The following SYTL5 variants were observed in gnomAD, a reference collection of about 807,000 sequenced individuals.
SYTL5 encodes synaptotagmin like 5.
In SYTL5, 34 loss-of-function variants were observed where a neutral mutation model predicts 55.9. The observed-to-expected ratio is 0.61, with a 90% CI of 0.46 to 0.81. The LOEUF is 0.81. Among genes scored for constraint, SYTL5 ranks in the 30% least tolerant of loss-of-function variants. The pLI is 0.00. For missense variants in SYTL5, 637 were observed against 546.7 expected (o/e 1.17, Z -1.65); for synonymous variants, 221 against 188.7 (o/e 1.17, Z -1.40).
chrX:37,975,211 GC>G, the SYTL5 span, among the ~76,000 whole-genome samples: 1 of 111,912 alleles, frequency 8.9e-6, no homozygotes, highest in Non-Finnish European at 1.9e-5. Context: ...CATTTTAGAA[GC>G]AAGGGAACTG....
chrX:38,002,834 G>T (rs1602291401), upstream of SYTL5, among the ~76,000 whole-genome samples: 1 of 111,693 alleles, frequency 9.0e-6, no homozygotes, highest in Non-Finnish European at 1.9e-5. Flanking sequence ...CACTCTGATG[G>T]TAGTTTTCTT....
At chrX:37,940,129 C>A in the SYTL5 span, among the ~76,000 whole-genome samples, 3 of 110,805 alleles carry the variant, frequency 2.7e-5, no homozygotes, top group Non-Finnish European at 3.8e-5. Flanking sequence ...AGCCACCTCA[C>A]CTGGCTGTGT....
intron 2 of SYTL5, among the ~76,000 whole-genome samples, chrX:38,034,333 A>G (rs1004752962): frequency 3.6e-5 from 4 of 112,519 alleles, no homozygotes; most frequent in African/African-American, 1.3e-4. Context: ...TGAGCAAGCT[A>G]CTCAACTTCC....
In SYTL5 at chrX:38,127,857, C is replaced by G. The variant is rs1199426674; in HGVS notation, c.*1127C>G. 8.9e-6 allele frequency: 1 copy of G among 112,033 alleles called. No individual in the cohort carries two copies. The highest frequency in any genetic ancestry group is 2.8e-4 in the East Asian group (1 of 3,587). 9.2% of individuals were successfully genotyped at this position (112,033 alleles called of 1,213,427 possible). A position where few individuals can be genotyped will look rare whatever the true frequency, so the allele number is the denominator to read the frequency against. Reference sequence around the variant, plus strand: ...CATCCTCTTTAAGCCAAAGGGATAGCCAGAGCATCTTGATGGCAGAAGTGC... The same window carrying G: ...CATCCTCTTTAAGCCAAAGGGATAGGCAGAGCATCTTGATGGCAGAAGTGC... On this transcript the variant is annotated 3_prime_UTR_variant, in exon 17 of 17. Transcript: ENST00000297875.
At chrX:38,096,514 A>T (rs73632457) in intron 9 of SYTL5, among the ~76,000 whole-genome samples, 11,655 of 110,916 alleles carry the variant, frequency 0.11, 1,063 homozygotes, top group African/African-American at 0.28. Context: ...TAAACCTGGG[A>T]AATGAGAGAT....
At chrX:37,917,181 G>A in the SYTL5 span, among the ~76,000 whole-genome samples, 1 of 111,373 alleles carries the variant, frequency 9.0e-6, no homozygotes, top group Non-Finnish European at 1.9e-5. Flanking sequence ...CCTGGCTGAA[G>A]TAGTGACTGT....
chrX:38,040,854 A>C (rs978812926), intron 2 of SYTL5, among the ~76,000 whole-genome samples: 3 of 111,907 alleles, frequency 2.7e-5, no homozygotes, highest in African/African-American at 9.8e-5. Context: ...TTGCTGGATC[A>C]TATGGTAGAT....
intron 3 of SYTL5, among the ~76,000 whole-genome samples, chrX:38,069,539 G>C (rs971092509): frequency 1.8e-5 from 2 of 111,675 alleles, no homozygotes; most frequent in African/African-American, 6.5e-5. Flanking sequence ...CATTGCCTGT[G>C]GACCTCTACA....
At chrX:37,946,476 G>A in the SYTL5 span, 2 of 243,559 alleles carry the variant, frequency 8.2e-6, no homozygotes, top group Non-Finnish European at 1.6e-5. Flanking sequence ...TCTAATTCTT[G>A]GAACTGGATT....
At chrX:38,061,960 ATTTTTTCT>A (rs1319907431) in intron 3 of SYTL5, among the ~76,000 whole-genome samples, 3 of 109,310 alleles carry the variant, frequency 2.7e-5, no homozygotes, top group Admixed American at 9.8e-5. Flanking sequence ...AACATGAAAT[ATTTTTTCT>A]TTTTTTCTTT....
chrX:37,913,728 CTTTTA>C, the SYTL5 span, among the ~76,000 whole-genome samples: 3 of 112,323 alleles, frequency 2.7e-5, no homozygotes, highest in African/African-American at 9.7e-5. Context: ...TCTCAATTGC[CTTTTA>C]ATAGTGTTTG....
At chrX:38,050,868 G>A (rs1442441573) in intron 2 of SYTL5, among the ~76,000 whole-genome samples, 1 of 112,068 alleles carries the variant, frequency 8.9e-6, no homozygotes, top group African/African-American at 3.2e-5. Context: ...AAAGAAAAGG[G>A]TGTGTGGTGA....
chrX:37,957,388 T>C, the SYTL5 span, among the ~76,000 whole-genome samples: 5 of 112,047 alleles, frequency 4.5e-5, no homozygotes, highest in Admixed American at 1.9e-4. Flanking sequence ...CTGCTGTGTT[T>C]TCTGCTAAGA....
chrX:37,939,111 A>T, the SYTL5 span, among the ~76,000 whole-genome samples: 3 of 109,514 alleles, frequency 2.7e-5, no homozygotes, highest in Admixed American at 9.8e-5. Context: ...TACCCAAAAA[A>T]CTAGCTGGGC....
At chrX:38,089,318 A>G in intron 6 of SYTL5, 128 bp from the exon 7 acceptor site, 1 of 738,565 alleles carries the variant, frequency 1.4e-6, no homozygotes, top group Non-Finnish European at 1.9e-6. Context: ...AAGCAGTTCC[A>G]GTGTGACTCT....
intron 1 of SYTL5, among the ~76,000 whole-genome samples, chrX:38,014,726 T>A (rs1569155797): frequency 8.9e-6 from 1 of 111,837 alleles, no homozygotes; most frequent in Non-Finnish European, 1.9e-5. Flanking sequence ...ATGGTTGCAT[T>A]CTTTTGATAT....
Position 38,106,597 on chromosome X carries a change from G to T in SYTL5, c.1160G>T (p.Ser387Ile). The T allele has an allele frequency of 8.4e-7, 1 of 1,196,672 alleles. No homozygotes were observed. The highest frequency in any genetic ancestry group is 1.1e-6 in the Non-Finnish European group (1 of 888,911). ...HRLASGLSTT[S>I]LNSMMSVYSE... The stretch of plus-strand genomic sequence containing the variant: ...TTTCCATCTTGTTTATTCCAGACCA[G>T]CCTTAACAGCATGATGAGCGTTTAC... The change falls in exon 11 of 17, where the codon AGC (serine) becomes ATC (isoleucine). Residue 387 changes from serine to isoleucine, a missense_variant. Transcript: ENST00000297875.
chrX:37,952,279 C>T, the SYTL5 span, among the ~76,000 whole-genome samples: 1 of 111,698 alleles, frequency 9.0e-6, no homozygotes, highest in Non-Finnish European at 1.9e-5. Context: ...CTCTTCTGCA[C>T]TTGGGTTTGT....
chrX:37,956,528 A>G, the SYTL5 span, among the ~76,000 whole-genome samples: 1 of 112,562 alleles, frequency 8.9e-6, no homozygotes, highest in Non-Finnish European at 1.9e-5. Flanking sequence ...TTATATAAGT[A>G]AAATAATGCA....
Sources: gnomAD v4.1 joint callset for allele counts (sites outside exome capture counted in the v4.1 genomes callset) on GRCh38, gnomAD v4.1.1 for gene constraint, MANE v1.5 for transcripts, NCBI Gene and HGNC (gene_info 2026-07-23, HGNC 2026-07-21) for gene names.